ENTPD5: variants seen among roughly 807,000 people sequenced by gnomAD.
ENTPD5 encodes the protein ectonucleoside triphosphate diphosphohydrolase 5 (inactive), also known as nucleoside diphosphate phosphatase ENTPD5.
A neutral mutation model predicts 60.2 loss-of-function variants in ENTPD5; 49 were observed. The ratio of observed to expected loss-of-function variants is 0.81; its 90% CI spans 0.65 to 1.03. ENTPD5 has a LOEUF of 1.03. Among genes scored for constraint, ENTPD5 ranks in the 50% least tolerant of loss-of-function variants. ENTPD5 has a pLI of 0.00. For synonymous variants in ENTPD5, 187 were observed against 185.4 expected, an observed-to-expected ratio of 1.01 and a Z score of -0.07; for missense variants, 480 against 507.6, an observed-to-expected ratio of 0.95 and a Z score of 0.52.
chr14:73,980,804 A>C (rs2057655318), intron 6 of ENTPD5, among the ~76,000 whole-genome samples: 1 of 152,238 alleles, frequency 6.6e-6, no homozygotes, highest in African/African-American at 2.4e-5. Flanking sequence ...AAAATTTAAA[A>C]ATACTGAGTT....
At chr14:73,968,425 CTTTT>C (rs34108477) in intron 15 of ENTPD5, among the ~76,000 whole-genome samples, 7 of 133,754 alleles carry the variant, frequency 5.2e-5, no homozygotes, top group Non-Finnish European at 6.4e-5. Flanking sequence ...TACTGATACT[CTTTT>C]TTTTTTTTTT....
chr14:73,977,843 G>A (rs531949306), intron 6 of ENTPD5, among the ~76,000 whole-genome samples: 35 of 152,270 alleles, frequency 2.3e-4, no homozygotes, highest in African/African-American at 8.4e-4. Context: ...TCAGATTCTG[G>A]CACATGGCTA....
chr14:73,957,208 C>G (rs1163735948), downstream of ENTPD5, among the ~76,000 whole-genome samples: 1 of 152,032 alleles, frequency 6.6e-6, no homozygotes, highest in Non-Finnish European at 1.5e-5. Flanking sequence ...CACCATTCTC[C>G]TGCCTCAGCC....
At chr14:74,000,852 A>G (rs2058486389) in intron 3 of ENTPD5, among the ~76,000 whole-genome samples, 1 of 152,160 alleles carries the variant, frequency 6.6e-6, no homozygotes, top group South Asian at 2.1e-4. Flanking sequence ...CAGAAATAAT[A>G]GAGACCAGAT....
intron 7 of ENTPD5, 33 bp downstream of exon 7, chr14:73,977,266 T>TC (rs2057483708): frequency 6.5e-7 from 1 of 1,528,568 alleles, no homozygotes; most frequent in Non-Finnish European, 9.0e-7. Flanking sequence ...CCTGCCCCTC[T>TC]CCCCCTGGAA....
At chr14:73,972,801 C>T in intron 13 of ENTPD5, 83 bp downstream of exon 13, 2 of 1,509,592 alleles carry the variant, frequency 1.3e-6, no homozygotes, top group Non-Finnish European at 9.0e-7. Context: ...CGACAAAGCA[C>T]CTCAAGTGCT....
chr14:74,017,848 C>T (rs1011888099), intron 1 of ENTPD5, among the ~76,000 whole-genome samples: 6 of 150,310 alleles, frequency 4.0e-5, no homozygotes, highest in Non-Finnish European at 1.5e-5. Context: ...TGCGCCATTG[C>T]ACTCCAGCCT....
At chr14:74,007,196 A>C (rs1003922629) in intron 3 of ENTPD5, among the ~76,000 whole-genome samples, 4 of 152,070 alleles carry the variant, frequency 2.6e-5, no homozygotes, top group Non-Finnish European at 5.9e-5. Context: ...AGGCCAGCCA[A>C]GCTAACATAG....
chr14:74,018,542 G>A (rs776172382), intron 1 of ENTPD5: 1 of 152,222 alleles, frequency 6.6e-6, no homozygotes, highest in Non-Finnish European at 1.5e-5. Flanking sequence ...CTCCTTTTCA[G>A]AGGTGTATTC....
intron 1 of ENTPD5, among the ~76,000 whole-genome samples, chr14:74,018,203 A>G (rs999154444): frequency 6.6e-6 from 1 of 151,974 alleles, no homozygotes; most frequent in Non-Finnish European, 1.5e-5. Flanking sequence ...AAAGTTTACA[A>G]GGCTTATCAT....
At chr14:73,960,318 ATCT>A, downstream of ENTPD5, 1 of 986,430 alleles carries the variant, frequency 1.0e-6, no homozygotes, top group Non-Finnish European at 1.2e-6. Flanking sequence ...TCCATGGAAC[ATCT>A]TTAGTACATT....
downstream of ENTPD5, chr14:73,961,836 G>C (rs774312474): frequency 1.9e-6 from 3 of 1,614,054 alleles, no homozygotes; most frequent in African/African-American, 4.0e-5. Flanking sequence ...TATTCTACCA[G>C]TGCCTCCCCG....
intron 3 of ENTPD5, among the ~76,000 whole-genome samples, chr14:74,001,002 C>G (rs1292873379): frequency 1.3e-5 from 2 of 152,088 alleles, no homozygotes; most frequent in Non-Finnish European, 2.9e-5. Flanking sequence ...AAGAGGGTCA[C>G]TTCAGCCAAG....
At chr14:74,016,534 G>A (rs2059021926) in intron 1 of ENTPD5, among the ~76,000 whole-genome samples, 1 of 152,038 alleles carries the variant, frequency 6.6e-6, no homozygotes, top group Non-Finnish European at 1.5e-5. Flanking sequence ...TATGCCAGAG[G>A]CTGAGGTGGG....
intron 5 of ENTPD5, among the ~76,000 whole-genome samples, chr14:73,984,150 C>T (rs1027951371): frequency 5.3e-5 from 8 of 152,222 alleles, no homozygotes; most frequent in African/African-American, 1.9e-4. Context: ...GCCTCAGCCT[C>T]CTGAGTAGCT....
Position 73,988,092 on chromosome 14 carries a change from G to C in ENTPD5, c.11C>G (p.Ser4Cys). ...CAGCATGAAAAAGACTGTGCCCCAA[G>C]AAGTGGCCATTCTTTTCCCAAGATG... MAT[S>C]WGTVFFMLVV... The change falls in exon 4 of 16, where the codon TCT (serine) becomes TGT (cysteine). Residue 4 changes from serine to cysteine, a missense_variant. Coordinates refer to ENST00000334696, the MANE Select transcript of ENTPD5 (RefSeq NM_001249.5). 6.2e-7 allele frequency: 1 copy of C among 1,610,428 alleles called. No individual in the cohort carries two copies. Among genetic ancestry groups the C allele is most frequent in the African/African-American group, 1.3e-5 (1 of 75,018 alleles).
At chr14:73,998,154 G>A (rs550578123) in intron 3 of ENTPD5, among the ~76,000 whole-genome samples, 13 of 152,216 alleles carry the variant, frequency 8.5e-5, no homozygotes, top group African/African-American at 2.7e-4. Flanking sequence ...GACAAACTGC[G>A]TCTGCCACCA....
chr14:74,001,047 C>T (rs771563383), intron 3 of ENTPD5, among the ~76,000 whole-genome samples: 10 of 151,864 alleles, frequency 6.6e-5, no homozygotes, highest in African/African-American at 9.7e-5. Context: ...ACAGTGAGAC[C>T]CTATCCGTAT....
rs568018067 is a variant in ENTPD5, at chr14:73,994,440, T to A, written c.-70-6268A>T. ...CCGCACCGAGCAATGTAAGCCATTT[T>A]AAAATAACTAATGTGCCAGGTGCAG... On this transcript the variant is annotated intron_variant, in intron 3 of 15. Transcript: ENST00000334696. Among the ~76,000 whole-genome samples, 8 of 151,424 alleles carry A rather than the reference T, an allele frequency of 5.3e-5. No homozygotes were observed. In the South Asian group the frequency reaches 1.7e-3, roughly 32 times the overall value.
Sources: allele counts gnomAD v4.1 joint callset (sites outside exome capture counted in the v4.1 genomes callset), GRCh38; gene constraint gnomAD v4.1.1; transcripts MANE v1.5; gene names NCBI Gene and HGNC (gene_info 2026-07-23, HGNC 2026-07-21).